Variants in EFR3B observed in about 807,000 individuals in gnomAD.
EFR3B encodes EFR3 homolog B.
In EFR3B, 64 loss-of-function variants were observed where a neutral mutation model predicts 104.7. The observed-to-expected ratio is 0.61, with a 90% CI of 0.50 to 0.75. The LOEUF (loss-of-function observed/expected upper bound fraction) is 0.75, where lower values mean the gene tolerates loss of function less well. Ranked by LOEUF, EFR3B falls within the 30% of genes least tolerant of loss-of-function variation. The pLI is 0.00. For synonymous variants in EFR3B, 385 were observed against 417.9 expected (o/e 0.92, Z 0.96); for missense variants, 750 against 1,078.5 (o/e 0.70, Z 4.27).
intron 1 of EFR3B, among the ~76,000 whole-genome samples, chr2:25,084,962 C>T (rs1469238061): frequency 1.3e-5 from 2 of 152,108 alleles, no homozygotes; most frequent in Non-Finnish European, 2.9e-5. Flanking sequence ...TTGGGGGCCC[C>T]AAGATTTATT....
At chr2:25,079,789 C>T in intron 1 of EFR3B, 1 of 653,392 alleles carries the variant, frequency 1.5e-6, no homozygotes, top group South Asian at 1.4e-5. Flanking sequence ...AGTTTGTATA[C>T]CTACATGGCA....
intron 4 of EFR3B, among the ~76,000 whole-genome samples, chr2:25,119,350 G>A (rs1331402456): frequency 2.6e-5 from 4 of 152,196 alleles, no homozygotes; most frequent in Non-Finnish European, 5.9e-5. Flanking sequence ...CACCCTGACC[G>A]GACCAGCCTT....
intron 1 of EFR3B, among the ~76,000 whole-genome samples, chr2:25,074,715 T>G (rs1163007772): frequency 1.3e-5 from 2 of 150,738 alleles, no homozygotes; most frequent in Non-Finnish European, 3.0e-5. Flanking sequence ...TCTCCCAGGT[T>G]CAAGTGATTC....
intron 18 of EFR3B, 46 bp downstream of exon 18, chr2:25,143,908 T>C (rs545499978): frequency 1.3e-5 from 20 of 1,543,164 alleles, no homozygotes; most frequent in Admixed American, 2.0e-5. Context: ...CTGTCTTTAC[T>C]TGGCCAGGTA....
intron 17 of EFR3B, among the ~76,000 whole-genome samples, chr2:25,142,297 G>T (rs1363567113): frequency 6.6e-6 from 1 of 151,958 alleles, no homozygotes; most frequent in Non-Finnish European, 1.5e-5. Context: ...ACAAAAATTA[G>T]CCAGGTATGG....
intron 10 of EFR3B, 107 bp from the exon 11 acceptor site, chr2:25,132,796 T>A: frequency 2.2e-6 from 2 of 891,546 alleles, no homozygotes; most frequent in South Asian, 3.2e-5. Flanking sequence ...TGGTCCTGGA[T>A]TGACTCCGGA....
chr2:25,096,017 C>A (rs1415616899), intron 3 of EFR3B, among the ~76,000 whole-genome samples: 1 of 146,984 alleles, frequency 6.8e-6, no homozygotes, highest in Non-Finnish European at 1.5e-5. Flanking sequence ...CCATTCCCCA[C>A]TGAGTCTTTT....
At chr2:25,150,138 G>GA (rs1296070249) in intron 20 of EFR3B, among the ~76,000 whole-genome samples, 1 of 151,796 alleles carries the variant, frequency 6.6e-6, no homozygotes, top group Non-Finnish European at 1.5e-5. Flanking sequence ...TGTCTCAACT[G>GA]AAAAAATACA....
At chr2:25,068,892 G>T (rs1209497263) in intron 1 of EFR3B, among the ~76,000 whole-genome samples, 1 of 149,504 alleles carries the variant, frequency 6.7e-6, no homozygotes, top group East Asian at 2.0e-4. Flanking sequence ...GCCTCCCAAA[G>T]TGCTGGGATT....
chr2:25,099,049 G>A (rs902194263), intron 3 of EFR3B, among the ~76,000 whole-genome samples: 3 of 152,022 alleles, frequency 2.0e-5, no homozygotes, highest in Admixed American at 6.6e-5. Flanking sequence ...ACAGAAGGAC[G>A]CTGGGATGAT....
At chr2:25,121,920 G>T in intron 5 of EFR3B, 126 bp downstream of exon 5, 1 of 1,350,980 alleles carries the variant, frequency 7.4e-7, no homozygotes, top group Non-Finnish European at 1.0e-6. Flanking sequence ...CTCTGATGTT[G>T]CCGGGCAGGT....
At chr2:25,054,788 C>T (rs1463602679) in intron 1 of EFR3B, among the ~76,000 whole-genome samples, 3 of 152,152 alleles carry the variant, frequency 2.0e-5, no homozygotes, top group Non-Finnish European at 2.9e-5. Flanking sequence ...AGGAGCCTGC[C>T]TCGGTGCTGT....
intron 4 of EFR3B, among the ~76,000 whole-genome samples, chr2:25,111,517 A>G (rs1411491880): frequency 6.6e-6 from 1 of 152,166 alleles, no homozygotes; most frequent in Non-Finnish European, 1.5e-5. Flanking sequence ...GGTAGGCTGA[A>G]TGATGCCCCC....
In EFR3B at chr2:25,103,733, G is replaced by C; in HGVS notation, c.309G>C (p.Val103=). The C allele has an allele frequency of 6.4e-7, 1 of 1,551,710 alleles. No homozygotes were observed. Among genetic ancestry groups the C allele is most frequent in the Non-Finnish European group, 8.7e-7 (1 of 1,146,972 alleles). ...TCGTGGAGAGCTTCCTCAAGATGGT[G>C]GCCAAGCTGCTGGAGTCAGAGAAAC... ...NLFVESFLKM[V]AKLLESEKPN... Residue 103 remains valine, a synonymous_variant, in exon 4 of 23, where the codon GTG becomes GTC. Coordinates refer to ENST00000403714, the MANE Select transcript of EFR3B (RefSeq NM_014971.2).
intron 1 of EFR3B, among the ~76,000 whole-genome samples, chr2:25,054,625 T>C (rs529099178): frequency 5.4e-4 from 83 of 152,314 alleles, no homozygotes; most frequent in African/African-American, 1.9e-3. Context: ...GTAATTTTTA[T>C]GGATGCTTCT....
At chr2:25,098,831 ATTTTTTTTTTTT>A (rs11416666) in intron 3 of EFR3B, among the ~76,000 whole-genome samples, 27 of 83,800 alleles carry the variant, frequency 3.2e-4, no homozygotes, top group Middle Eastern at 9.6e-3. Flanking sequence ...TAAGTAGCCA[ATTTTTTTTTTTT>A]TTTTTTTTTT....
At chr2:25,055,921 C>A (rs1181717188) in intron 1 of EFR3B, among the ~76,000 whole-genome samples, 1 of 152,190 alleles carries the variant, frequency 6.6e-6, no homozygotes, top group East Asian at 1.9e-4. Context: ...GATCTGTGAA[C>A]CTCTTGAGGA....
Position 25,137,237 on chromosome 2 carries a change from C to T in EFR3B, c.1561-104C>T. The T allele has an allele frequency of 1.5e-6, 2 of 1,339,688 alleles. No homozygotes were observed. Among genetic ancestry groups the T allele is most frequent in the African/African-American group, 1.5e-5 (1 of 68,486 alleles). The allele number at this position is 1,339,688 out of a possible 1,614,324, so 83.0% of individuals were successfully genotyped here. A position where few individuals can be genotyped will look rare whatever the true frequency, so the allele number is the denominator to read the frequency against. ...CCCCTCCCCAAGGGAGGAGGGGGCA[C>T]ACAGCCATCCTGCCCCCCTTCAGAT... On this transcript the variant is annotated intron_variant, in intron 14 of 22. Transcript: ENST00000403714. The surrounding 1 kb of genome is among the most constrained non-coding windows in gnomAD (Gnocchi z 4.7).
Position 25,089,034 on chromosome 2 carries a change from G to T in EFR3B, c.8-2291G>T, listed in dbSNP as rs1238431710. Among the ~76,000 whole-genome samples the T allele has an allele frequency of 2.6e-5, 4 of 152,142 alleles. No homozygotes were observed. In the East Asian group the frequency reaches 7.7e-4, roughly 29 times the overall value. On this transcript the variant is annotated intron_variant, in intron 1 of 22. Transcript: ENST00000403714. ...CCTGGAGGCCTCTGTGCTGGGGAAGGTGCCTTCCCTGGAGGGCCTGTGGAC... is the reference window on the plus strand; with the variant it reads ...CCTGGAGGCCTCTGTGCTGGGGAAGTTGCCTTCCCTGGAGGGCCTGTGGAC...
Sources: allele counts gnomAD v4.1 joint callset (sites outside exome capture counted in the v4.1 genomes callset), GRCh38; gene constraint gnomAD v4.1.1; non-coding constraint Gnocchi (gnomAD v3.1); transcripts MANE v1.5; gene names NCBI Gene and HGNC (gene_info 2026-07-23, HGNC 2026-07-21).